Variants in AATK observed in about 807,000 individuals in gnomAD.
AATK encodes serine/threonine-protein kinase LMTK1.
A neutral mutation model predicts 114.3 loss-of-function variants in AATK; 91 were observed. The ratio of observed to expected loss-of-function variants is 0.80; its 90% CI spans 0.67 to 0.95. AATK has a LOEUF of 0.95. Among genes scored for constraint, AATK ranks in the 40% least tolerant of loss-of-function variants. The pLI is 0.00. For synonymous variants in AATK, 1,075 were observed against 916.5 expected, an observed-to-expected ratio of 1.17 and a Z score of -3.12; for missense variants, 2,176 against 1,965.2, an observed-to-expected ratio of 1.11 and a Z score of -2.03.
rs1206445641 is a variant in AATK, at chr17:81,121,096, G to A, written c.2840C>T (p.Pro947Leu). Residue 947 changes from proline (P) to leucine (L), a missense_variant, in exon 11 of 14, where the codon CCT becomes CTT. Pro to Leu is a moderately conservative substitution (Grantham distance 98). Around this residue, in one of 4 missense-constraint regions of AATK, gnomAD observed 1,701 missense variants for 1,394.7 expected, o/e 1.22. Transcript: ENST00000326724. The stretch of plus-strand genomic sequence containing the variant: ...CTGCGCCTCCTTGAGCACAAACTCA[G>A]GGGACTCATAGTTCTCGGTGTCATA... ...SGYDTENYESPEFVLKEAQEG... is the reference protein window; with the variant it reads ...SGYDTENYESLEFVLKEAQEG... The A allele has an allele frequency of 3.1e-6, 5 of 1,605,932 alleles. No individual in the cohort carries two copies. Among genetic ancestry groups the A allele is most frequent in the Non-Finnish European group, 4.2e-6 (5 of 1,176,566 alleles).
intron 1 of AATK, among the ~76,000 whole-genome samples, chr17:81,138,233 GCA>G (rs752028748): frequency 7.1e-5 from 9 of 126,740 alleles, no homozygotes; most frequent in South Asian, 2.7e-4. Context: ...CCACCCACAC[GCA>G]CATACCCACA....
At position 81,126,056 on chromosome 17, in the gene AATK, G is replaced by T. The variant is rs2060816213; in HGVS notation, c.755+371C>A. The T allele has an allele frequency of 2.1e-6, 1 of 482,586 alleles. No individual in the cohort carries two copies. The highest frequency in any genetic ancestry group is 4.2e-6 in the Non-Finnish European group (1 of 237,914). 29.9% of individuals were successfully genotyped at this position (482,586 alleles called of 1,614,324 possible). ...GGGCTGGGCATCCTGGCCCAAGCAG[G>T]ACAGAACCCTCCCTCCAGGGTCCTT... On this transcript the variant is annotated intron_variant, in intron 7 of 13. Transcript: ENST00000326724. This position sits in a 1 kb window ranked among gnomAD's most constrained non-coding sequence, Gnocchi z 5.1.
chr17:81,151,754 G>C (rs78653050), intron 1 of AATK, among the ~76,000 whole-genome samples: 7,420 of 152,278 alleles, frequency 0.049, 443 homozygotes, highest in African/African-American at 0.14. Context: ...GGGTTGCATC[G>C]TGTTAGGCAG....
At position 81,118,369 on chromosome 17, in the gene AATK, C is replaced by G. The variant is rs369140728; in HGVS notation, c.*33G>C. 5.0e-6 allele frequency: 8 copies of G among 1,590,780 alleles called. No individual in the cohort carries two copies. Among genetic ancestry groups the G allele is most frequent in the Non-Finnish European group, 6.8e-6 (8 of 1,169,642 alleles). ...TGCTGCCTGGCAGGGGCTCCGGTGA[C>G]GCCAGCCTTGAGGGGCAGGAGCTGC... On this transcript the variant is annotated 3_prime_UTR_variant, in exon 14 of 14. Coordinates refer to ENST00000326724, the MANE Select transcript of AATK (RefSeq NM_001080395.3).
intron 1 of AATK, among the ~76,000 whole-genome samples, chr17:81,137,287 C>A (rs2061025677): frequency 6.6e-6 from 1 of 151,896 alleles, no homozygotes; most frequent in Non-Finnish European, 1.5e-5. Context: ...ATTACTACCA[C>A]CCCACTTTGC....
chr17:81,151,600 C>A (rs777219723), intron 1 of AATK, among the ~76,000 whole-genome samples: 13 of 152,204 alleles, frequency 8.5e-5, no homozygotes, highest in Non-Finnish European at 1.5e-4. Context: ...CCAAAGGACA[C>A]CCTGACCCCA....
chr17:81,156,467 G>A (rs560027350), intron 1 of AATK, among the ~76,000 whole-genome samples: 12 of 152,112 alleles, frequency 7.9e-5, no homozygotes, highest in East Asian at 5.8e-4. Flanking sequence ...GGTGCTTCTC[G>A]GCTCACTGCA....
chr17:81,121,824 G>A lies in AATK; in HGVS notation c.2112C>T (p.His704=), dbSNP rs763220135. ...ESWDPVSAGG[H]AEGCPSPKQT... ...GCTTTGGACTGGGGCAGCCCTCAGC[G>A]TGGCCGCCCGCAGAGACGGGGTCCC... is the stretch of plus-strand genomic sequence containing the variant. The change falls in exon 11 of 14, where the codon CAC becomes CAT. Residue 704 remains histidine, a synonymous_variant. Coordinates refer to ENST00000326724, the MANE Select transcript of AATK (RefSeq NM_001080395.3). 36 of 1,589,852 alleles carry A rather than the reference G, an allele frequency of 2.3e-5. No individual in the cohort carries two copies. Among genetic ancestry groups the A allele is most frequent in the Non-Finnish European group, 3.0e-5 (35 of 1,174,910 alleles).
intron 9 of AATK, among the ~76,000 whole-genome samples, chr17:81,124,194 G>A (rs898780581): frequency 6.6e-6 from 1 of 152,096 alleles, no homozygotes; most frequent in African/African-American, 2.4e-5. Context: ...AGCAGCAGAG[G>A]TGAGGCAGGG....
At chr17:81,119,337 G>GCTTCCCGCGTGCCCTA in intron 13 of AATK, 43 bp downstream of exon 13, 2 of 1,115,558 alleles carry the variant, frequency 1.8e-6, no homozygotes, top group African/African-American at 3.7e-5. Flanking sequence ...TCCGTGCCCT[G>GCTTCCCGCGTGCCCTA]CCTCCCGCGT....
At chr17:81,160,659 G>GT in intron 1 of AATK, among the ~76,000 whole-genome samples, 1 of 152,176 alleles carries the variant, frequency 6.6e-6, no homozygotes, top group East Asian at 1.9e-4. Context: ...TGTGCCACCA[G>GT]GGACAGGACC....
rs577953091 is a variant in AATK, at chr17:81,128,931, G to A, written c.335-382C>T. 65 of 1,109,822 alleles carry A rather than the reference G, an allele frequency of 5.9e-5. No individual in the cohort carries two copies. The East Asian group carries it at 8.9e-4, about 15-fold the overall frequency. The allele number at this position is 1,109,822 out of a possible 1,614,324, so 68.7% of individuals were successfully genotyped here. On this transcript the variant is annotated intron_variant, in intron 3 of 13. Coordinates refer to ENST00000326724, the MANE Select transcript of AATK (RefSeq NM_001080395.3). ...CACGGCACAGAGAGGGCACTGGAGC[G>A]GCCCACCCCCACCCTGCCGCAGGCT...
chr17:81,126,574 G>T lies in AATK; in HGVS notation c.622-14C>A. The T allele has an allele frequency of 6.5e-7, 1 of 1,532,000 alleles. No homozygotes were observed. Among genetic ancestry groups the T allele is most frequent in the Non-Finnish European group, 8.8e-7 (1 of 1,132,494 alleles). 94.9% of individuals were successfully genotyped at this position (1,532,000 alleles called of 1,614,324 possible). The stretch of plus-strand genomic sequence containing the variant: ...CTTGAGGTCCCCCTGCAGAAAGGGG[G>T]TGTGGCGCAGTCACCAGCAGGCTGG... On this transcript the variant is annotated splice_polypyrimidine_tract_variant and intron_variant, in intron 6 of 13. Coordinates refer to ENST00000326724, the MANE Select transcript of AATK (RefSeq NM_001080395.3). This position sits in a 1 kb window ranked among gnomAD's most constrained non-coding sequence, Gnocchi z 5.1.
In AATK at chr17:81,121,700, G is replaced by A; in HGVS notation, c.2236C>T (p.Pro746Ser). 1 of 1,496,652 alleles carries A rather than the reference G, an allele frequency of 6.7e-7. No homozygotes were observed. Among genetic ancestry groups the A allele is most frequent in the Non-Finnish European group, 8.9e-7 (1 of 1,126,882 alleles). The allele number at this position is 1,496,652 out of a possible 1,614,324, so 92.7% of individuals were successfully genotyped here. A position where few individuals can be genotyped will look rare whatever the true frequency, so the allele number is the denominator to read the frequency against. ...AQEPGCCPGL[P>S]HLCSAQGLAP... ...AGGCCCTGGGCAGAGCATAGATGAG[G>A]GAGGCCGGGGCAGCAGCCTGGCTCC... The change falls in exon 11 of 14, where the codon CCT (proline) becomes TCT (serine). Residue 746 changes from proline (P) to serine (S), a missense_variant. This residue lies in a region of AATK where 1,701 missense variants were observed against 1,394.7 expected (regional missense o/e 1.22). Coordinates refer to ENST00000326724, the MANE Select transcript of AATK (RefSeq NM_001080395.3).
chr17:81,125,671 C>T (rs796464281), intron 7 of AATK, among the ~76,000 whole-genome samples: 19 of 152,294 alleles, frequency 1.2e-4, no homozygotes, highest in African/African-American at 4.6e-4. Context: ...GTAGATATTA[C>T]CACAGCTGCC....
At chr17:81,120,169 C>T (rs747261863) in intron 11 of AATK, 32 bp downstream of exon 11, 2 of 1,542,500 alleles carry the variant, frequency 1.3e-6, no homozygotes, top group Admixed American at 1.9e-5. Flanking sequence ...CGACCCCCAG[C>T]CCCGGGCAGA....
At chr17:81,118,502 G>T in intron 13 of AATK, 60 bp from the exon 14 acceptor site, 6 of 1,556,848 alleles carry the variant, frequency 3.9e-6, no homozygotes, top group East Asian at 4.7e-5. Flanking sequence ...TGCCTCCCCC[G>T]CAACTCCCAC....
In AATK at chr17:81,121,813, C is replaced by A. The variant is rs571083150; in HGVS notation, c.2123G>T (p.Cys708Phe). The change falls in exon 11 of 14, where the codon TGC becomes TTC. Residue 708 changes from cysteine to phenylalanine, a missense_variant. This residue lies in a region of AATK where 1,701 missense variants were observed against 1,394.7 expected (regional missense o/e 1.22). Coordinates refer to ENST00000326724, the MANE Select transcript of AATK (RefSeq NM_001080395.3). ...CCGTGGGGTCTGCTTTGGACTGGGG[C>A]AGCCCTCAGCGTGGCCGCCCGCAGA... is the stretch of plus-strand genomic sequence containing the variant. The part of the protein sequence containing the change: ...PVSAGGHAEG[C>F]PSPKQTPRAS... 15 of 1,585,626 alleles carry A rather than the reference C, an allele frequency of 9.5e-6. No individual in the cohort carries two copies. In the South Asian group the frequency reaches 1.7e-4, roughly 18 times the overall value.
rs753061135 is a variant in AATK, at chr17:81,128,519, C to T, written c.365G>A (p.Arg122Gln). Residue 122 changes from arginine to glutamine, a missense_variant, in exon 4 of 14, where the codon CGG (arginine) becomes CAG (glutamine). Around this residue, in one of 4 missense-constraint regions of AATK, gnomAD observed 178 missense variants for 175.4 expected, o/e 1.01. Coordinates refer to ENST00000326724, the MANE Select transcript of AATK (RefSeq NM_001080395.3). Reference sequence around the variant, plus strand: ...TTCCTTCAGGTACAGGAGGCTGTGCCGGCCCACGTCTGTGGACTTGAGGAG... The same window carrying T: ...TTCCTTCAGGTACAGGAGGCTGTGCTGGCCCACGTCTGTGGACTTGAGGAG... ...VQLLKSTDVG[R>Q]HSLLYLKEIG... 6.5e-6 allele frequency: 10 copies of T among 1,549,192 alleles called. No homozygotes were observed. Among genetic ancestry groups the T allele is most frequent in the African/African-American group, 2.7e-5 (2 of 72,982 alleles).
Sources: allele counts gnomAD v4.1 joint callset (sites outside exome capture counted in the v4.1 genomes callset), GRCh38; gene constraint gnomAD v4.1.1; regional missense constraint gnomAD v4.1.1; non-coding constraint Gnocchi (gnomAD v3.1); transcripts MANE v1.5; gene names NCBI Gene and HGNC (gene_info 2026-07-23, HGNC 2026-07-21).